Variants in GRIN2B observed in about 807,000 individuals in gnomAD.
GRIN2B encodes the protein glutamate receptor ionotropic, NMDA 2B.
GRIN2B carries 5 observed loss-of-function variants against 114.5 expected under a neutral mutation model. The ratio of observed to expected loss-of-function variants is 0.04; its 90% CI spans 0.02 to 0.09. The LOEUF is 0.09. Among genes scored for constraint, GRIN2B ranks in the 10% least tolerant of loss-of-function variants. The pLI, the probability that GRIN2B is intolerant of heterozygous loss-of-function variation, is 1.00. For missense variants in GRIN2B, 1,108 were observed against 1,943.5 expected, an observed-to-expected ratio of 0.57 and a Z score of 8.08; for synonymous variants, 787 against 745.1, an observed-to-expected ratio of 1.06 and a Z score of -0.92.
At chr12:13,845,460 T>A (rs1865454633) in intron 3 of GRIN2B, among the ~76,000 whole-genome samples, 2 of 152,194 alleles carry the variant, frequency 1.3e-5, no homozygotes, top group African/African-American at 2.4e-5. Flanking sequence ...AGCAATTCAT[T>A]ACATCATATT....
intron 10 of GRIN2B, among the ~76,000 whole-genome samples, chr12:13,605,327 G>A (rs781388762): frequency 6.6e-6 from 1 of 152,068 alleles, no homozygotes; most frequent in African/African-American, 2.4e-5. Flanking sequence ...TCTAGGTTTT[G>A]AAGTTTCAGT....
intron 10 of GRIN2B, among the ~76,000 whole-genome samples, chr12:13,574,531 T>TTTAA (rs1948749418): frequency 6.6e-6 from 1 of 152,184 alleles, no homozygotes; most frequent in South Asian, 2.1e-4. Context: ...ATTATTACAC[T>TTTAA]TTAATTTTTC....
chr12:13,854,278 A>C (rs2268138), intron 3 of GRIN2B, among the ~76,000 whole-genome samples: 21,053 of 152,104 alleles, frequency 0.14, 1,603 homozygotes, highest in African/African-American at 0.19. Context: ...TTAGAAGGCC[A>C]AGGTGGGCGG....
chr12:13,887,360 C>T (rs1866180719), intron 2 of GRIN2B, among the ~76,000 whole-genome samples: 1 of 151,738 alleles, frequency 6.6e-6, no homozygotes, highest in Admixed American at 6.6e-5. Context: ...TAAAACCCAC[C>T]ATTCATATTT....
chr12:13,599,458 T>C (rs571912260), intron 10 of GRIN2B, among the ~76,000 whole-genome samples: 1 of 152,336 alleles, frequency 6.6e-6, no homozygotes, highest in Non-Finnish European at 1.5e-5. Context: ...CATTCTAGGC[T>C]TGATGCTTTT....
chr12:13,565,915 C>T (rs1565455322), intron 13 of GRIN2B, among the ~76,000 whole-genome samples: 2 of 152,152 alleles, frequency 1.3e-5, no homozygotes, highest in Non-Finnish European at 2.9e-5. Context: ...AGAGAAAATT[C>T]CAAGCCTTTT....
chr12:13,659,743 AT>A (rs1949902187), intron 5 of GRIN2B, among the ~76,000 whole-genome samples: 1 of 152,096 alleles, frequency 6.6e-6, no homozygotes, highest in South Asian at 2.1e-4. Flanking sequence ...CTTCCCTATC[AT>A]TTAAAGCCTA....
At chr12:13,638,185 T>C (rs1043842235) in intron 5 of GRIN2B, among the ~76,000 whole-genome samples, 8 of 152,056 alleles carry the variant, frequency 5.3e-5, no homozygotes, top group South Asian at 4.2e-4. Context: ...TCATTTCCAA[T>C]GGTTTAAGTA....
intron 4 of GRIN2B, among the ~76,000 whole-genome samples, chr12:13,702,153 G>T (rs1222165456): frequency 6.6e-6 from 1 of 152,172 alleles, no homozygotes; most frequent in African/African-American, 2.4e-5. Flanking sequence ...TTCTCAGAAA[G>T]TATTTCCCAT....
At chr12:13,663,444 A>G (rs1949944013) in intron 5 of GRIN2B, among the ~76,000 whole-genome samples, 1 of 152,232 alleles carries the variant, frequency 6.6e-6, no homozygotes, top group Admixed American at 6.5e-5. Context: ...AAGGTTTCAT[A>G]AACTGTGATT....
chr12:13,694,199 A>C (rs185761168), intron 4 of GRIN2B, among the ~76,000 whole-genome samples: 296 of 152,316 alleles, frequency 1.9e-3, no homozygotes, highest in African/African-American at 6.5e-3. Flanking sequence ...CTTGAACATC[A>C]CACAGCTCAA....
At chr12:13,675,302 G>A (rs1950062348) in intron 5 of GRIN2B, among the ~76,000 whole-genome samples, 1 of 152,070 alleles carries the variant, frequency 6.6e-6, no homozygotes, top group African/African-American at 2.4e-5. Context: ...AACTGGCAGT[G>A]GGAGAGATTG....
intron 3 of GRIN2B, among the ~76,000 whole-genome samples, chr12:13,769,600 G>A (rs557219802): frequency 5.1e-4 from 78 of 152,316 alleles, no homozygotes; most frequent in Non-Finnish European, 8.7e-4. Flanking sequence ...TTTACTTGGC[G>A]ATAAAGTCAA....
intron 3 of GRIN2B, among the ~76,000 whole-genome samples, chr12:13,834,182 C>A (rs555775040): frequency 9.0e-5 from 13 of 145,208 alleles, no homozygotes; most frequent in Non-Finnish European, 1.8e-4. Context: ...AGGTGCCCAC[C>A]ACCACGCCTG....
chr12:13,704,362 C>T (rs1025277236), intron 4 of GRIN2B, among the ~76,000 whole-genome samples: 1 of 152,138 alleles, frequency 6.6e-6, no homozygotes, highest in Non-Finnish European at 1.5e-5. Context: ...GATTTGATCC[C>T]TGTGAAACAC....
intron 9 of GRIN2B, among the ~76,000 whole-genome samples, chr12:13,609,512 G>A (rs1172390176): frequency 6.6e-6 from 1 of 152,120 alleles, no homozygotes; most frequent in Admixed American, 6.5e-5. Context: ...GGTGGCTCAC[G>A]CCTGTAATCC....
chr12:13,720,771 G>A (rs1284521921), intron 4 of GRIN2B, among the ~76,000 whole-genome samples: 1 of 152,100 alleles, frequency 6.6e-6, no homozygotes, highest in Non-Finnish European at 1.5e-5. Flanking sequence ...TAAGGGGCAA[G>A]ACTAAAGGAA....
chr12:13,730,509 G>A (rs569436848), intron 4 of GRIN2B, among the ~76,000 whole-genome samples: 1 of 152,184 alleles, frequency 6.6e-6, no homozygotes, highest in South Asian at 2.1e-4. Context: ...GAAGAAGCAA[G>A]CCCAGACAGG....
intron 4 of GRIN2B, among the ~76,000 whole-genome samples, chr12:13,694,371 G>T (rs1359738897): frequency 6.6e-6 from 1 of 152,034 alleles, no homozygotes; most frequent in Non-Finnish European, 1.5e-5. Flanking sequence ...TGCAGCAAAT[G>T]CTCATTGAAC....
Sources: gnomAD v4.1 joint callset for allele counts (sites outside exome capture counted in the v4.1 genomes callset) on GRCh38, gnomAD v4.1.1 for gene constraint, MANE v1.5 for transcripts, NCBI Gene and HGNC (gene_info 2026-07-23, HGNC 2026-07-21) for gene names.